TAFA5: variants seen among roughly 807,000 people sequenced by gnomAD.
TAFA5 encodes TAFA chemokine like family member 5.
A neutral mutation model predicts 15.3 loss-of-function variants in TAFA5; 6 were observed. The ratio of observed to expected loss-of-function variants is 0.39; its 90% confidence interval spans 0.21 to 0.77. The LOEUF (loss-of-function observed/expected upper bound fraction) is 0.77. TAFA5 is among the 30% of genes least tolerant of loss of function. The probability of loss-of-function intolerance (pLI) is 0.41; values close to 1 mark genes in which losing one functional copy is unlikely to be tolerated. For missense variants in TAFA5, 161 were observed against 193.1 expected (o/e 0.83, Z 0.98); for synonymous variants, 103 against 80.7 (o/e 1.28, Z -1.48).
intron 1 of TAFA5, chr22:48,576,597 G>C: frequency 7.0e-7 from 1 of 1,420,710 alleles, no homozygotes; most frequent in Non-Finnish European, 9.3e-7. Flanking sequence ...CGCGCGGACC[G>C]GTCCTCCGCG....
intron 1 of TAFA5, among the ~76,000 whole-genome samples, chr22:48,612,151 G>A (rs1601615045): frequency 6.6e-6 from 1 of 152,156 alleles, no homozygotes; most frequent in Non-Finnish European, 1.5e-5. Context: ...TCCCACGGAC[G>A]GGGCTTCCTC....
At chr22:48,693,748 T>G (rs1485746825) in intron 2 of TAFA5, among the ~76,000 whole-genome samples, 2 of 152,024 alleles carry the variant, frequency 1.3e-5, no homozygotes, top group Non-Finnish European at 2.9e-5. Context: ...TCTGAGGGCC[T>G]CCCCCAACCC....
intron 1 of TAFA5, among the ~76,000 whole-genome samples, chr22:48,623,708 G>A (rs976644439): frequency 6.6e-6 from 1 of 152,254 alleles, no homozygotes; most frequent in Non-Finnish European, 1.5e-5. Context: ...CTGGCACGGC[G>A]GCCCGAGGCC....
In TAFA5 at chr22:48,638,094, C is replaced by T. The variant is rs112100899; in HGVS notation, c.113-8503C>T. The stretch of plus-strand genomic sequence containing the variant: ...GCGAAGAGCACTCACCTGCGGGTAT[C>T]GGGGGCTCAGGGAACACACAGGTGT... On this transcript the variant is annotated intron_variant, in intron 1 of 3. Coordinates refer to ENST00000402357, the MANE Select transcript of TAFA5 (RefSeq NM_001082967.3). 2.4e-3 allele frequency among the ~76,000 whole-genome samples: 371 copies of T among 152,194 alleles called. 2 individuals carry two copies. Among genetic ancestry groups the T allele is most frequent in the African/African-American group, 8.6e-3 (355 of 41,496 alleles).
rs878922751 is a variant in TAFA5, at chr22:48,598,829, G to A, written c.113-47768G>A. 1.2e-4 allele frequency among the ~76,000 whole-genome samples: 19 copies of A among 152,136 alleles called. No individual in the cohort carries two copies. Among genetic ancestry groups the A allele is most frequent in the Admixed American group, 3.9e-4 (6 of 15,276 alleles). ...CCAAGTGCCACCAGTGGAACCAAGC[G>A]CCAGGTGGTACCTGTATTTCCGACT... On this transcript the variant is annotated intron_variant, in intron 1 of 3. Coordinates refer to ENST00000402357, the MANE Select transcript of TAFA5 (RefSeq NM_001082967.3). This position sits in a 1 kb window ranked among gnomAD's most constrained non-coding sequence, Gnocchi z 4.0.
rs1924217780 is a variant in TAFA5, at chr22:48,583,995, C to G, written c.113-62602C>G. Among the ~76,000 whole-genome samples the G allele has an allele frequency of 2.1e-5, 3 of 142,048 alleles. No homozygotes were observed. The South Asian group carries it at 6.8e-4, about 32-fold the overall frequency. The allele number at this position is 142,048 out of a possible 152,430, so 93.2% of individuals were successfully genotyped here. On this transcript the variant is annotated intron_variant, in intron 1 of 3. Transcript: ENST00000402357. The stretch of plus-strand genomic sequence containing the variant: ...ACCACACACACCATATACACCTACC[C>G]ACACATATAACACACCACACACCAC...
At chr22:48,511,943 A>G (rs2032498) in intron 1 of TAFA5, among the ~76,000 whole-genome samples, 33,004 of 152,144 alleles carry the variant, frequency 0.22, 3,579 homozygotes, top group African/African-American at 0.25. Flanking sequence ...CGGTGCGCTC[A>G]CTCACTCCTC....
intron 2 of TAFA5, among the ~76,000 whole-genome samples, chr22:48,652,974 C>T (rs933512315): frequency 6.6e-6 from 1 of 152,214 alleles, no homozygotes. Flanking sequence ...GCTTGGGGTC[C>T]GTGCTTTGTG....
chr22:48,535,825 C>G (rs1922138964), intron 1 of TAFA5, among the ~76,000 whole-genome samples: 1 of 149,624 alleles, frequency 6.7e-6, no homozygotes, highest in Non-Finnish European at 1.5e-5. Flanking sequence ...TGTGTAGATG[C>G]AAGCATGCTG....
At chr22:48,534,659 G>A (rs1184480625) in intron 1 of TAFA5, among the ~76,000 whole-genome samples, 2 of 152,188 alleles carry the variant, frequency 1.3e-5, no homozygotes, top group Admixed American at 1.3e-4. Flanking sequence ...TGCTGGGGCC[G>A]CCCTGCGGGG....
rs116688499 is a variant in TAFA5 at position 48,643,991 on chromosome 22, C to T, written c.113-2606C>T. 6.3e-3 allele frequency among the ~76,000 whole-genome samples: 964 copies of T among 152,348 alleles called. 13 individuals carry two copies. The highest frequency in any genetic ancestry group is 0.022 in the African/African-American group (920 of 41,580). On this transcript the variant is annotated intron_variant, in intron 1 of 3. Transcript: ENST00000402357. ...GTAAATCACAACGTAAGAACGTGTG[C>T]TCGGGACCCGTCCAGATGCGTGTTG...
chr22:48,660,913 G>C (rs1260711536), intron 2 of TAFA5, among the ~76,000 whole-genome samples: 1 of 148,234 alleles, frequency 6.7e-6, no homozygotes, highest in Admixed American at 6.7e-5. Flanking sequence ...CAGTCTCGGA[G>C]ACCCAGGGCC....
intron 2 of TAFA5, among the ~76,000 whole-genome samples, chr22:48,647,650 C>T (rs922742158): frequency 1.3e-5 from 2 of 152,096 alleles, no homozygotes; most frequent in African/African-American, 4.8e-5. Flanking sequence ...AGGCTGCCTC[C>T]CTCCCTTGTG....
chr22:48,708,107 C>G (rs1356514119), intron 3 of TAFA5, among the ~76,000 whole-genome samples: 1 of 152,158 alleles, frequency 6.6e-6, no homozygotes, highest in Non-Finnish European at 1.5e-5. Context: ...GCCCAGAAGT[C>G]AGATCACTGA....
intron 1 of TAFA5, among the ~76,000 whole-genome samples, chr22:48,600,521 C>T (rs1427462486): frequency 6.6e-6 from 1 of 152,154 alleles, no homozygotes; most frequent in Non-Finnish European, 1.5e-5. Flanking sequence ...CAGATGTGTG[C>T]CCGTGCCCAT....
intron 1 of TAFA5, among the ~76,000 whole-genome samples, chr22:48,557,050 G>T (rs1362313677): frequency 6.6e-6 from 1 of 152,216 alleles, no homozygotes; most frequent in Non-Finnish European, 1.5e-5. Flanking sequence ...CCGTTGGGAG[G>T]CCCGCAGGGA....
chr22:48,735,834 C>G (rs1569099004), intron 3 of TAFA5, among the ~76,000 whole-genome samples: 1 of 135,352 alleles, frequency 7.4e-6, no homozygotes, highest in Non-Finnish European at 1.5e-5. Context: ...GTCCATCCCC[C>G]CAGGAGGAAT....
At chr22:48,585,336 C>T (rs1924306938) in intron 1 of TAFA5, among the ~76,000 whole-genome samples, 2 of 150,138 alleles carry the variant, frequency 1.3e-5, no homozygotes, top group Admixed American at 6.6e-5. Flanking sequence ...CACACACACA[C>T]ACATAAAATA....
intron 1 of TAFA5, among the ~76,000 whole-genome samples, chr22:48,511,194 T>C (rs924809516): frequency 6.6e-6 from 1 of 152,210 alleles, no homozygotes; most frequent in Admixed American, 6.5e-5. Context: ...CTGTCGCTTC[T>C]TCTTCATGTG....
Sources: gnomAD v4.1 joint callset for allele counts (sites outside exome capture counted in the v4.1 genomes callset) on GRCh38, gnomAD v4.1.1 for gene constraint, Gnocchi (gnomAD v3.1) non-coding constraint, MANE v1.5 for transcripts, NCBI Gene and HGNC (gene_info 2026-07-23, HGNC 2026-07-21) for gene names.